GFM2: variants seen among roughly 807,000 people sequenced by gnomAD.
GFM2 encodes the protein ribosome-releasing factor 2, mitochondrial.
A neutral mutation model predicts 95.4 loss-of-function variants in GFM2; 72 were observed. That is an observed-to-expected ratio of 0.76 (90% CI 0.62 to 0.92). The LOEUF is 0.92. Ranked by LOEUF, GFM2 falls within the 40% of genes least tolerant of loss-of-function variation. The pLI, the probability that GFM2 is intolerant of heterozygous loss-of-function variation, is 0.00. For missense variants in GFM2, 825 were observed against 924.1 expected (o/e 0.89, Z 1.39); for synonymous variants, 276 against 317.5 (o/e 0.87, Z 1.39).
chr5:74,726,219 G>T (rs1750141503), intron 17 of GFM2, 93 bp from the exon 18 acceptor site: 1 of 805,256 alleles, frequency 1.2e-6, no homozygotes, highest in African/African-American at 1.7e-5. Context: ...CAAGCTCAGG[G>T]TCTCATACAA....
At chr5:74,741,846 T>C (rs1314658909) in intron 10 of GFM2, 3 of 307,446 alleles carry the variant, frequency 9.8e-6, no homozygotes, top group Non-Finnish European at 5.9e-6. Flanking sequence ...AGCCAGATCC[T>C]GATAAAGCAT....
In GFM2 at chr5:74,721,366, A is replaced by G; in HGVS notation, c.*289T>C. 1 of 737,230 alleles carries G rather than the reference A, an allele frequency of 1.4e-6. No homozygotes were observed. Among genetic ancestry groups the G allele is most frequent in the South Asian group, 1.5e-5 (1 of 67,202 alleles). The allele number at this position is 737,230 out of a possible 1,614,324, so 45.7% of individuals were successfully genotyped here. On this transcript the variant is annotated 3_prime_UTR_variant, in exon 21 of 21. Coordinates refer to ENST00000296805, the MANE Select transcript of GFM2 (RefSeq NM_032380.5). ...ACAAGCTTAAGGACACAAAAGAAAC[A>G]CAACTTTGTGATACCACTCTTCTGA... is the stretch of plus-strand genomic sequence containing the variant.
chr5:74,725,861 G>A lies in GFM2; in HGVS notation c.1912+80C>T, dbSNP rs553982420. On this transcript the variant is annotated intron_variant, in intron 18 of 20. Coordinates refer to ENST00000296805, the MANE Select transcript of GFM2 (RefSeq NM_032380.5). ...AAAACACTAACAAAGTTAGGAAAAA[G>A]ACTGAAATAATCTGTAATATAAGGA... is the stretch of plus-strand genomic sequence containing the variant. 17 of 1,474,180 alleles carry A rather than the reference G, an allele frequency of 1.2e-5. No homozygotes were observed. In the African/African-American group the frequency reaches 2.2e-4, roughly 19 times the overall value. The allele number at this position is 1,474,180 out of a possible 1,614,324, so 91.3% of individuals were successfully genotyped here.
In GFM2 at chr5:74,721,298, C is replaced by CTCTA. The variant is rs774367605; in HGVS notation, c.*353_*356dup. The stretch of plus-strand genomic sequence containing the variant: ...ATTTTTATTGATTGAACCTTTGACC[C>CTCTA]TCTATCTTATTACATTTAGAGGCCT... On this transcript the variant is annotated 3_prime_UTR_variant, in exon 21 of 21. Coordinates refer to ENST00000296805, the MANE Select transcript of GFM2 (RefSeq NM_032380.5). 3.9e-5 allele frequency: 34 copies of CTCTA among 868,876 alleles called. No homozygotes were observed. In the East Asian group the frequency reaches 6.4e-4, roughly 16 times the overall value. 53.8% of individuals were successfully genotyped at this position (868,876 alleles called of 1,614,324 possible).
Position 74,721,714 on chromosome 5 carries a change from G to A in GFM2, c.2281C>T (p.Gln761Ter). ...TTTTGATCTTGAGGATTCATGGCTTGATAAGTAGATAGTTCTAAGGCAAAA... is the reference window on the plus strand; with the variant it reads ...TTTTGATCTTGAGGATTCATGGCTTAATAAGTAGATAGTTCTAAGGCAAAA... ...ATFALELSTY[Q>*]AMNPQDQNTL... Residue 761 changes from glutamine to a stop codon, truncating the protein, a stop_gained, in exon 21 of 21, where the codon CAA becomes TAA. Coordinates refer to ENST00000296805, the MANE Select transcript of GFM2 (RefSeq NM_032380.5). LOFTEE classifies it high-confidence loss of function. 6.2e-7 allele frequency: 1 copy of A among 1,613,790 alleles called. No individual in the cohort carries two copies.
In GFM2 at chr5:74,740,052, T is replaced by A. The variant is rs776533541; in HGVS notation, c.1016A>T (p.Gln339Leu). 2 of 1,606,542 alleles carry A rather than the reference T, an allele frequency of 1.2e-6. No homozygotes were observed. The highest frequency in any genetic ancestry group is 2.3e-5 in the East Asian group (1 of 44,418). The change falls in exon 12 of 21, where the codon CAG becomes CTG. Residue 339 changes from glutamine to leucine, a missense_variant. Gln to Leu is a moderately radical substitution (Grantham distance 113). Transcript: ENST00000296805. Reference protein sequence around the residue: ...CGSALKNKGIQPLLDAVTMYL... With the variant: ...CGSALKNKGILPLLDAVTMYL... Reference sequence around the variant, plus strand: ...CATAGTAACAGCATCTAACAAGGGCTGTATCCCTTTGTTTTTCAGGGCACT... The same window carrying A: ...CATAGTAACAGCATCTAACAAGGGCAGTATCCCTTTGTTTTTCAGGGCACT...
At chr5:74,751,584 T>C (rs1168538758) in intron 5 of GFM2, 91 bp from the exon 6 acceptor site, 1 of 863,246 alleles carries the variant, frequency 1.2e-6, no homozygotes, top group South Asian at 2.0e-5. Context: ...TAACCTGCCT[T>C]AAGAAAAATC....
At chr5:74,760,745 C>G (rs749571646) in intron 3 of GFM2, among the ~76,000 whole-genome samples, 157 bp downstream of exon 3, 1 of 152,126 alleles carries the variant, frequency 6.6e-6, no homozygotes, top group African/African-American at 2.4e-5. Flanking sequence ...CCTTCTGGCA[C>G]CTATCTGAAC....
At chr5:74,722,181 T>C (rs993870814) in intron 20 of GFM2, 198 bp downstream of exon 20, 5 of 582,124 alleles carry the variant, frequency 8.6e-6, no homozygotes, top group African/African-American at 7.5e-5. Context: ...TACCCCCTTG[T>C]AGTGCTATAA....
Position 74,733,011 on chromosome 5 carries a change from A to AAT in GFM2, c.1587+9_1587+10dup. On this transcript the variant is annotated intron_variant, in intron 16 of 20. Coordinates refer to ENST00000296805, the MANE Select transcript of GFM2 (RefSeq NM_032380.5). Reference sequence around the variant, plus strand: ...AGAAAGGCTTCTGGAGTTTAGCAATAATATACCTACTTGTCCAGAGTCAGG... The same window carrying AAT: ...AGAAAGGCTTCTGGAGTTTAGCAATAATATATACCTACTTGTCCAGAGTCAGG... 6.4e-7 allele frequency: 1 copy of AAT among 1,566,038 alleles called. No homozygotes were observed. The highest frequency in any genetic ancestry group is 8.8e-7 in the Non-Finnish European group (1 of 1,137,412).
chr5:74,740,942 T>C (rs748766511), intron 11 of GFM2, among the ~76,000 whole-genome samples: 28 of 152,120 alleles, frequency 1.8e-4, no homozygotes, highest in Middle Eastern at 3.2e-3. Context: ...TTACGTTTCA[T>C]AAAGAAAAAT....
At chr5:74,731,428 A>G (rs556292672) in intron 16 of GFM2, among the ~76,000 whole-genome samples, 3 of 152,328 alleles carry the variant, frequency 2.0e-5, no homozygotes, top group East Asian at 3.9e-4. Flanking sequence ...TCAAGCCCCA[A>G]TAATAATTCT....
chr5:74,721,367 C>T lies in GFM2; in HGVS notation c.*288G>A. Reference sequence around the variant, plus strand: ...CAAGCTTAAGGACACAAAAGAAACACAACTTTGTGATACCACTCTTCTGAA... The same window carrying T: ...CAAGCTTAAGGACACAAAAGAAACATAACTTTGTGATACCACTCTTCTGAA... On this transcript the variant is annotated 3_prime_UTR_variant, in exon 21 of 21. Coordinates refer to ENST00000296805, the MANE Select transcript of GFM2 (RefSeq NM_032380.5). 1 of 735,446 alleles carries T rather than the reference C, an allele frequency of 1.4e-6. No homozygotes were observed. Among genetic ancestry groups the T allele is most frequent in the Non-Finnish European group, 2.5e-6 (1 of 407,136 alleles). 45.6% of individuals were successfully genotyped at this position (735,446 alleles called of 1,614,324 possible).
chr5:74,742,921 C>A (rs907821199), intron 10 of GFM2, among the ~76,000 whole-genome samples: 1 of 152,192 alleles, frequency 6.6e-6, no homozygotes, highest in Non-Finnish European at 1.5e-5. Flanking sequence ...CCCACCTCAG[C>A]CTCCCAAAGT....
intron 5 of GFM2, among the ~76,000 whole-genome samples, chr5:74,753,938 G>A (rs1001872270): frequency 1.3e-5 from 2 of 150,526 alleles, no homozygotes; most frequent in Non-Finnish European, 2.9e-5. Flanking sequence ...AGTCAAGACA[G>A]GAAACAATTT....
At chr5:74,745,274 G>A (rs1579997746) in intron 10 of GFM2, among the ~76,000 whole-genome samples, 1 of 152,196 alleles carries the variant, frequency 6.6e-6, no homozygotes, top group African/African-American at 2.4e-5. Flanking sequence ...GAACCTGGGA[G>A]GTAGAGGCTG....
chr5:74,730,261 T>C lies in GFM2; in HGVS notation c.1725A>G (p.Thr575=), dbSNP rs1160687622. The part of the protein sequence containing the change: ...RETILNSVRA[T]DTLDRTLGDK... ...AATCCTAAATGTTTTACTTTTTACC[T>C]GTGGCACGAACTGAGTTTAGGATGG... The change falls in exon 17 of 21, where the codon ACA becomes ACG. Residue 575 remains threonine (T), a splice_region_variant and synonymous_variant. Coordinates refer to ENST00000296805, the MANE Select transcript of GFM2 (RefSeq NM_032380.5). 1.7e-5 allele frequency: 27 copies of C among 1,598,986 alleles called. No individual in the cohort carries two copies. The highest frequency in any genetic ancestry group is 2.3e-5 in the Non-Finnish European group (27 of 1,176,030).
Position 74,758,863 on chromosome 5 carries a change from G to C in GFM2, c.290C>G (p.Thr97Arg), listed in dbSNP as rs1252206353. 1.1e-5 allele frequency: 17 copies of C among 1,596,038 alleles called. No homozygotes were observed. Among genetic ancestry groups the C allele is most frequent in the Non-Finnish European group, 1.4e-5 (16 of 1,164,018 alleles). Residue 97 changes from threonine to arginine, a missense_variant, in exon 5 of 21, where the codon ACA becomes AGA. Physicochemically the swap from Thr to Arg is moderately conservative, Grantham distance 71. Coordinates refer to ENST00000296805, the MANE Select transcript of GFM2 (RefSeq NM_032380.5). ...TERILYYSGYTRSLGDVDDGD... is the reference protein window; with the variant it reads ...TERILYYSGYRRSLGDVDDGD... The stretch of plus-strand genomic sequence containing the variant: ...TCCATTCTAACCTCCCAGTGATCTT[G>C]TATATCCGGAATAGTACAATATTCT...
rs978304380 is a variant in GFM2, at chr5:74,745,699, T to G, written c.828A>C (p.Ala276=). 9 of 1,612,478 alleles carry G rather than the reference T, an allele frequency of 5.6e-6. No individual in the cohort carries two copies. The African/African-American group carries it at 6.7e-5, about 12-fold the overall frequency. ...TTACTTGTTCAATTAAGGCATTCCT[T>G]GCTTCAGTTGTTTCCTTCAGCAATT... ...DPELLKETTE[A]RNALIEQVAD... Residue 276 remains alanine (A), a synonymous_variant, in exon 10 of 21, where the codon GCA becomes GCC. Coordinates refer to ENST00000296805, the MANE Select transcript of GFM2 (RefSeq NM_032380.5).
Sources: gnomAD v4.1 joint callset for allele counts (sites outside exome capture counted in the v4.1 genomes callset) on GRCh38, gnomAD v4.1.1 for gene constraint, MANE v1.5 for transcripts, NCBI Gene and HGNC (gene_info 2026-07-23, HGNC 2026-07-21) for gene names.